VGLL4: variants seen among roughly 807,000 people sequenced by gnomAD.
The protein encoded by VGLL4 is transcription cofactor vestigial-like protein 4.
Under a neutral mutation model 21.0 loss-of-function variants are expected in VGLL4, and 7 were observed. The observed-to-expected ratio is 0.33, with a 90% CI of 0.19 to 0.63. VGLL4 has a LOEUF of 0.63. Ranked by LOEUF, VGLL4 falls within the 20% of genes least tolerant of loss-of-function variation. The pLI, the probability that VGLL4 is intolerant of heterozygous loss-of-function variation, is 0.78. For synonymous variants in VGLL4, 222 were observed against 173.2 expected (o/e 1.28, Z -2.21); for missense variants, 394 against 425.7 (o/e 0.93, Z 0.66).
In VGLL4 at chr3:11,601,497, ACAAT is replaced by A. The variant is rs745371434; in HGVS notation, c.272+332_272+335del. Among the ~76,000 whole-genome samples the A allele has an allele frequency of 2.7e-4, 41 of 152,180 alleles. 1 individual carries two copies. The highest frequency in any genetic ancestry group is 1.8e-4 in the Non-Finnish European group (12 of 68,040). ...TCACTAAATGTTGATTCTCCTAAAAACAATCAATATGTATGGGCAAAAAAAAGCG... is the reference window on the plus strand; with the variant it reads ...TCACTAAATGTTGATTCTCCTAAAAACAATATGTATGGGCAAAAAAAAGCG... On this transcript the variant is annotated intron_variant, in intron 2 of 4. Transcript: ENST00000430365.
Position 11,643,725 on chromosome 3 carries a change from C to A in VGLL4, c.-207G>T. The A allele has an allele frequency of 1.4e-6, 2 of 1,402,124 alleles. No homozygotes were observed. Among genetic ancestry groups the A allele is most frequent in the Non-Finnish European group, 1.8e-6 (2 of 1,081,798 alleles). 86.9% of individuals were successfully genotyped at this position (1,402,124 alleles called of 1,614,324 possible). Reference sequence around the variant, plus strand: ...GAGCTCACACGAAACCCTTCAAGGGCTTACTGGTAGACGGTGTATGTACTG... The same window carrying A: ...GAGCTCACACGAAACCCTTCAAGGGATTACTGGTAGACGGTGTATGTACTG... On this transcript the variant is annotated 5_prime_UTR_variant, in exon 1 of 5. Coordinates refer to ENST00000430365, the MANE Select transcript of VGLL4 (RefSeq NM_001128219.3).
chr3:11,671,685 G>A (rs2076219134), intron 2 of VGLL4, among the ~76,000 whole-genome samples: 1 of 152,086 alleles, frequency 6.6e-6, no homozygotes, highest in African/African-American at 2.4e-5. Flanking sequence ...GCTTCCTAAA[G>A]GGACTCATTC....
intron 1 of VGLL4, among the ~76,000 whole-genome samples, chr3:11,610,037 CAAA>C (rs917460682): frequency 6.6e-6 from 1 of 152,156 alleles, no homozygotes; most frequent in Admixed American, 6.5e-5. Context: ...GAACCTAAAT[CAAA>C]GAAGCAAAAC....
chr3:11,699,230 T>C (rs1416264177), intron 2 of VGLL4, among the ~76,000 whole-genome samples: 2 of 152,238 alleles, frequency 1.3e-5, no homozygotes, highest in Non-Finnish European at 2.9e-5. Context: ...ACTTTGTCTA[T>C]AAATTGTATG....
At chr3:11,587,948 G>C (rs970975724) in intron 2 of VGLL4, among the ~76,000 whole-genome samples, 2 of 152,250 alleles carry the variant, frequency 1.3e-5, no homozygotes, top group African/African-American at 4.8e-5. Context: ...CCTCGCGCAT[G>C]TGTGCGTTTT....
At chr3:11,618,532 A>G (rs2075207722) in intron 1 of VGLL4, among the ~76,000 whole-genome samples, 1 of 152,216 alleles carries the variant, frequency 6.6e-6, no homozygotes, top group South Asian at 2.1e-4. Flanking sequence ...AAGAATAGGT[A>G]AATCTGTAAA....
At chr3:11,710,151 T>C (rs1467474729) in intron 1 of VGLL4, among the ~76,000 whole-genome samples, 1 of 152,124 alleles carries the variant, frequency 6.6e-6, no homozygotes, top group Non-Finnish European at 1.5e-5. Context: ...CACTAAACCA[T>C]TCATGAGGGA....
chr3:11,707,842 G>T (rs1285037142), intron 1 of VGLL4, among the ~76,000 whole-genome samples: 1 of 152,166 alleles, frequency 6.6e-6, no homozygotes, highest in African/African-American at 2.4e-5. Flanking sequence ...CTGAGTGACA[G>T]GGTGAGACCC....
chr3:11,644,485 A>C (rs893919870), upstream of VGLL4, among the ~76,000 whole-genome samples: 2 of 152,162 alleles, frequency 1.3e-5, no homozygotes, highest in Non-Finnish European at 2.9e-5. Context: ...GGATTAAATG[A>C]CTGGCCCACA....
chr3:11,620,839 T>C (rs1300667132), intron 1 of VGLL4, among the ~76,000 whole-genome samples: 7 of 152,160 alleles, frequency 4.6e-5, no homozygotes, highest in Non-Finnish European at 8.8e-5. Context: ...ATCATCTGAA[T>C]GTACACGTAG....
chr3:11,645,055 G>C (rs533927692), upstream of VGLL4, among the ~76,000 whole-genome samples: 1 of 151,818 alleles, frequency 6.6e-6, no homozygotes, highest in South Asian at 2.1e-4. Flanking sequence ...TTTGCTATTG[G>C]AAGAACTTGG....
chr3:11,649,753 C>T lies in VGLL4; in HGVS notation c.65-47731G>A, dbSNP rs141738382. ...CTTGCAGAGCTTATAGACATGTGTA[C>T]GTGCTTTTTATCTTCTACTGCTTAC... On this transcript the variant is annotated intron_variant, in intron 2 of 5. Transcript: ENST00000273038. Among the ~76,000 whole-genome samples the T allele has an allele frequency of 7.9e-5, 12 of 152,252 alleles. No individual in the cohort carries two copies. In the South Asian group the frequency reaches 1.9e-3, roughly 24 times the overall value.
intron 2 of VGLL4, among the ~76,000 whole-genome samples, chr3:11,676,402 AAAAAAAAATAAAATAATAAT>A (rs11272475): frequency 0.54 from 79,116 of 146,738 alleles, 22,192 homozygotes; most frequent in Non-Finnish European, 0.63. Flanking sequence ...CTCAAAAAAA[AAAAAAAAATAAAATAATAAT>A]AATAATAATA....
At chr3:11,665,521 T>C (rs1378481737) in intron 2 of VGLL4, among the ~76,000 whole-genome samples, 1 of 152,216 alleles carries the variant, frequency 6.6e-6, no homozygotes, top group Non-Finnish European at 1.5e-5. Flanking sequence ...AGCCACAGCC[T>C]GAGGCTGAGT....
chr3:11,600,089 C>A (rs1275370505), intron 2 of VGLL4, among the ~76,000 whole-genome samples: 1 of 152,112 alleles, frequency 6.6e-6, no homozygotes, highest in Non-Finnish European at 1.5e-5. Context: ...AGTATCTGAA[C>A]AATGGAATAA....
At chr3:11,571,780 T>C (rs954238131) in intron 2 of VGLL4, among the ~76,000 whole-genome samples, 12 of 152,178 alleles carry the variant, frequency 7.9e-5, no homozygotes, top group Admixed American at 4.6e-4. Context: ...GCTCCATCTA[T>C]TGCGAGACAG....
intron 2 of VGLL4, among the ~76,000 whole-genome samples, chr3:11,695,510 T>A (rs1426380656): frequency 1.3e-5 from 2 of 152,198 alleles, no homozygotes; most frequent in Non-Finnish European, 2.9e-5. Flanking sequence ...AGAGAGAACA[T>A]GTGCATGATG....
chr3:11,701,629 G>A (rs1246970977), intron 2 of VGLL4, among the ~76,000 whole-genome samples: 2 of 152,156 alleles, frequency 1.3e-5, no homozygotes, highest in African/African-American at 4.8e-5. Context: ...TTGTAGGTAG[G>A]TATTGTTGCT....
In VGLL4 at chr3:11,636,461, C is replaced by T. The variant is rs188035645; in HGVS notation, c.82+6976G>A. ...ATAATGCAGAGTATTGTTTTAGAAA[C>T]GTGCTGCTCTCTAACAGCCATCTCT... On this transcript the variant is annotated intron_variant, in intron 1 of 4. Coordinates refer to ENST00000430365, the MANE Select transcript of VGLL4 (RefSeq NM_001128219.3). Among the ~76,000 whole-genome samples, 277 of 152,280 alleles carry T rather than the reference C, an allele frequency of 1.8e-3. 1 individual carries two copies. Among genetic ancestry groups the T allele is most frequent in the African/African-American group, 6.1e-3 (255 of 41,546 alleles).
Sources: allele counts gnomAD v4.1 joint callset (sites outside exome capture counted in the v4.1 genomes callset), GRCh38; gene constraint gnomAD v4.1.1; transcripts MANE v1.5; gene names NCBI Gene and HGNC (gene_info 2026-07-23, HGNC 2026-07-21).